Variants in CSNK2A2IP observed in about 807,000 individuals in gnomAD.
The protein encoded by CSNK2A2IP is casein kinase II subunit alpha'-interacting protein.
chr3:88,370,246 T>C, the CSNK2A2IP span, among the ~76,000 whole-genome samples: 1 of 151,878 alleles, frequency 6.6e-6, no homozygotes, highest in Non-Finnish European at 1.5e-5. Context: ...TAGTAAACTA[T>C]ATGCATATTC....
chr3:88,357,669 G>A, the CSNK2A2IP span, among the ~76,000 whole-genome samples: 1,357 of 152,102 alleles, frequency 8.9e-3, 17 homozygotes, highest in African/African-American at 0.031. Flanking sequence ...ATTTCTTTGG[G>A]TAGTATGGAC....
the CSNK2A2IP span, among the ~76,000 whole-genome samples, chr3:88,463,480 T>G: frequency 6.6e-6 from 1 of 152,170 alleles, no homozygotes; most frequent in Admixed American, 6.5e-5. Context: ...ATCGCCCACT[T>G]TTTGATGGGG....
At chr3:88,450,503 T>TAA in the CSNK2A2IP span, among the ~76,000 whole-genome samples, 16 of 151,976 alleles carry the variant, frequency 1.1e-4, no homozygotes, top group African/African-American at 3.6e-4. Flanking sequence ...TTGACCTTTT[T>TAA]AAAAAAACAT....
At chr3:88,456,674 G>A in the CSNK2A2IP span, among the ~76,000 whole-genome samples, 2 of 136,834 alleles carry the variant, frequency 1.5e-5, no homozygotes, top group South Asian at 2.3e-4. Context: ...TTTTTTTTCA[G>A]ATGTGCATCC....
chr3:88,415,230 G>A, the CSNK2A2IP span, among the ~76,000 whole-genome samples: 1 of 151,866 alleles, frequency 6.6e-6, no homozygotes, highest in East Asian at 1.9e-4. Flanking sequence ...CCAAAATTTT[G>A]CAAGTAACAT....
At chr3:88,458,803 G>A in the CSNK2A2IP span, among the ~76,000 whole-genome samples, 1 of 152,090 alleles carries the variant, frequency 6.6e-6, no homozygotes, top group Non-Finnish European at 1.5e-5. Context: ...AGTATTCACA[G>A]ATATTTCTGG....
chr3:88,360,864 T>G, the CSNK2A2IP span, among the ~76,000 whole-genome samples: 3 of 152,090 alleles, frequency 2.0e-5, no homozygotes, highest in Non-Finnish European at 2.9e-5. Flanking sequence ...GGCTTTGTGG[T>G]TACCATGAGA....
the CSNK2A2IP span, among the ~76,000 whole-genome samples, chr3:88,375,723 A>T: frequency 6.6e-6 from 1 of 151,800 alleles, no homozygotes; most frequent in Non-Finnish European, 1.5e-5. Flanking sequence ...GAAGCAAATG[A>T]TGTTACTCTA....
chr3:88,385,093 A>G, the CSNK2A2IP span, among the ~76,000 whole-genome samples: 3 of 152,182 alleles, frequency 2.0e-5, no homozygotes. Flanking sequence ...GCATAAAGAT[A>G]TTCCATAGCA....
the CSNK2A2IP span, among the ~76,000 whole-genome samples, chr3:88,460,643 C>G: frequency 4.6e-5 from 7 of 152,106 alleles, no homozygotes; most frequent in African/African-American, 1.7e-4. Flanking sequence ...TGTTAAAGCT[C>G]CATTATCACT....
At chr3:88,462,133 A>G in the CSNK2A2IP span, among the ~76,000 whole-genome samples, 4 of 146,962 alleles carry the variant, frequency 2.7e-5, no homozygotes, top group African/African-American at 4.9e-5. Flanking sequence ...ATATATATAT[A>G]TATGTATTGT....
the CSNK2A2IP span, among the ~76,000 whole-genome samples, chr3:88,439,039 G>A: frequency 1.3e-5 from 2 of 152,012 alleles, no homozygotes; most frequent in African/African-American, 2.4e-5. Context: ...TAGCATTGTG[G>A]TTCCCGAAAT....
chr3:88,450,165 A>G, the CSNK2A2IP span, among the ~76,000 whole-genome samples: 1 of 151,956 alleles, frequency 6.6e-6, no homozygotes, highest in Non-Finnish European at 1.5e-5. Context: ...CACCACACCC[A>G]GCCTAATATT....
chr3:88,460,073 GA>G, the CSNK2A2IP span, among the ~76,000 whole-genome samples: 1 of 151,990 alleles, frequency 6.6e-6, no homozygotes, highest in Non-Finnish European at 1.5e-5. Context: ...ATGGTACTCT[GA>G]AAATGTTCAT....
the CSNK2A2IP span, among the ~76,000 whole-genome samples, chr3:88,402,842 G>A: frequency 6.6e-6 from 1 of 151,988 alleles, no homozygotes; most frequent in Non-Finnish European, 1.5e-5. Context: ...GCTCAAAAAG[G>A]ACTTTGATCA....
chr3:88,341,406 C>A, the CSNK2A2IP span, among the ~76,000 whole-genome samples: 1 of 151,728 alleles, frequency 6.6e-6, no homozygotes, highest in South Asian at 2.1e-4. Flanking sequence ...TAGATTTAGA[C>A]TAGCTAGATA....
chr3:88,466,374 C>G, the CSNK2A2IP span: 1 of 1,231,756 alleles, frequency 8.1e-7, no homozygotes, highest in Non-Finnish European at 1.0e-6. Context: ...ATTCACCTGT[C>G]TGTCACTCCA....
At chr3:88,430,674 G>T in the CSNK2A2IP span, among the ~76,000 whole-genome samples, 1 of 151,986 alleles carries the variant, frequency 6.6e-6, no homozygotes, top group Admixed American at 6.6e-5. Flanking sequence ...GCTAGAAGAG[G>T]AAAGTATATG....
At chr3:88,456,983 A>T in the CSNK2A2IP span, among the ~76,000 whole-genome samples, 1 of 152,078 alleles carries the variant, frequency 6.6e-6, no homozygotes, top group Non-Finnish European at 1.5e-5. Context: ...GATTTTTCTT[A>T]TATTAACATC....
Sources: allele counts gnomAD v4.1 joint callset (sites outside exome capture counted in the v4.1 genomes callset), GRCh38; gene constraint gnomAD v4.1.1; transcripts MANE v1.5; gene names NCBI Gene and HGNC (gene_info 2026-07-23, HGNC 2026-07-21).